The following MANEA variants were observed in gnomAD, a reference collection of about 807,000 sequenced individuals.
The protein encoded by MANEA is glycoprotein endo-alpha-1,2-mannosidase.
Under a neutral mutation model 36.8 loss-of-function variants are expected in MANEA, and 25 were observed. The ratio of observed to expected loss-of-function variants is 0.68; its 90% CI spans 0.50 to 0.95. MANEA has a LOEUF of 0.95. Among genes scored for constraint, MANEA ranks in the 40% least tolerant of loss-of-function variants. MANEA has a pLI of 0.00. For missense variants in MANEA, 565 were observed against 558.8 expected (o/e 1.01, Z -0.11); for synonymous variants, 198 against 188.5 (o/e 1.05, Z -0.41).
At position 95,606,291 on chromosome 6, in the gene MANEA, A is replaced by G. The variant is rs1435944900; in HGVS notation, c.1275A>G (p.Leu425=). 1 of 1,612,986 alleles carries G rather than the reference A, an allele frequency of 6.2e-7. No homozygotes were observed. The highest frequency in any genetic ancestry group is 1.7e-5 in the Admixed American group (1 of 59,998). Residue 425 remains leucine (L), a synonymous_variant, in exon 5 of 5, where the codon CTA becomes CTG. Coordinates refer to ENST00000358812, the MANE Select transcript of MANEA (RefSeq NM_024641.4). ...VPKRTSNTVY[L]DYRPHKPGLY... ...AAAGAACCAGTAATACAGTGTACCT[A>G]GATTACCGTCCTCATAAACCAGGTC...
At position 95,577,614 on chromosome 6, in the gene MANEA, G is replaced by C. The variant is rs1410543362; in HGVS notation, c.-63G>C. The C allele has an allele frequency of 2.6e-5, 4 of 152,320 alleles. No homozygotes were observed. In the East Asian group the frequency reaches 5.8e-4, roughly 22 times the overall value. 9.4% of individuals were successfully genotyped at this position (152,320 alleles called of 1,614,324 possible). On this transcript the variant is annotated 5_prime_UTR_variant, in exon 1 of 5. Coordinates refer to ENST00000358812, the MANE Select transcript of MANEA (RefSeq NM_024641.4). The stretch of plus-strand genomic sequence containing the variant: ...TAACCTCTCCTCTGGCCGAGTCCTT[G>C]CAAGAAGTGAATTACCCGACCCTGG...
intron 2 of MANEA, among the ~76,000 whole-genome samples, chr6:95,594,512 G>A (rs1769449812): frequency 6.6e-6 from 1 of 152,180 alleles, no homozygotes; most frequent in Admixed American, 6.5e-5. Flanking sequence ...ATTTTTAGAA[G>A]TGTGTGTAAT....
chr6:95,578,375 G>A (rs1769113629), intron 1 of MANEA, among the ~76,000 whole-genome samples: 1 of 152,112 alleles, frequency 6.6e-6, no homozygotes, highest in Non-Finnish European at 1.5e-5. Context: ...AAATGTGGAA[G>A]TGCTATAAAA....
chr6:95,579,237 G>A (rs1210686879), intron 1 of MANEA, among the ~76,000 whole-genome samples: 3 of 152,154 alleles, frequency 2.0e-5, no homozygotes, highest in Admixed American at 1.3e-4. Flanking sequence ...GCTGGGCGTC[G>A]TAGCGTGCGC....
chr6:95,578,834 C>T (rs988564460), intron 1 of MANEA, among the ~76,000 whole-genome samples: 2 of 152,110 alleles, frequency 1.3e-5, no homozygotes, highest in African/African-American at 4.8e-5. Context: ...GAAAACATAA[C>T]CATATAGCAG....
chr6:95,602,478 C>CA (rs1769611480), intron 3 of MANEA, among the ~76,000 whole-genome samples: 1 of 151,574 alleles, frequency 6.6e-6, no homozygotes, highest in Non-Finnish European at 1.5e-5. Flanking sequence ...GATTTTCATT[C>CA]AAAAAAGTTC....
At chr6:95,594,820 A>G (rs1462432019) in intron 2 of MANEA, among the ~76,000 whole-genome samples, 1 of 152,136 alleles carries the variant, frequency 6.6e-6, no homozygotes, top group Non-Finnish European at 1.5e-5. Context: ...ACTGCTTTTG[A>G]GAGTTGGTTT....
rs1554210730 is a variant in MANEA, at chr6:95,606,454, A to T, written c.*49A>T. 7.1e-7 allele frequency: 1 copy of T among 1,405,710 alleles called. No individual in the cohort carries two copies. Among genetic ancestry groups the T allele is most frequent in the East Asian group, 2.3e-5 (1 of 43,080 alleles). The allele number at this position is 1,405,710 out of a possible 1,614,324, so 87.1% of individuals were successfully genotyped here. On this transcript the variant is annotated 3_prime_UTR_variant, in exon 5 of 5. Coordinates refer to ENST00000358812, the MANE Select transcript of MANEA (RefSeq NM_024641.4). Reference sequence around the variant, plus strand: ...TATCAAAATCACCTAATTTTTAAAAATAGCTTTCGTTTTGAGTTCTGGAAA... The same window carrying T: ...TATCAAAATCACCTAATTTTTAAAATTAGCTTTCGTTTTGAGTTCTGGAAA...
intron 3 of MANEA, among the ~76,000 whole-genome samples, chr6:95,598,579 A>G (rs974617932): frequency 2.0e-5 from 3 of 152,182 alleles, no homozygotes; most frequent in African/African-American, 4.8e-5. Flanking sequence ...GTTTTTTGAC[A>G]TAAATCTTGG....
chr6:95,591,213 A>G (rs1480594763), intron 2 of MANEA, among the ~76,000 whole-genome samples: 1 of 152,098 alleles, frequency 6.6e-6, no homozygotes, highest in Non-Finnish European at 1.5e-5. Flanking sequence ...TGTATGTCTA[A>G]TATCATATTC....
At chr6:95,604,098 G>GTGT (rs1554210538) in intron 3 of MANEA, among the ~76,000 whole-genome samples, 1 of 149,452 alleles carries the variant, frequency 6.7e-6, no homozygotes, top group Non-Finnish European at 1.5e-5. Context: ...GTGTGTGTAT[G>GTGT]GGATATCCAA....
rs143348091 is a variant in MANEA, at chr6:95,602,585, T to G, written c.655-2242T>G. 4.8e-3 allele frequency among the ~76,000 whole-genome samples: 738 copies of G among 152,304 alleles called. 6 individuals are homozygous for G. The highest frequency in any genetic ancestry group is 0.017 in the African/African-American group (714 of 41,560). On this transcript the variant is annotated intron_variant, in intron 3 of 4. Transcript: ENST00000358812. ...AAAACATGAAATGAGGGAATGTTTA[T>G]ATTCTTATTCTTTAAAGATAAGAAA...
chr6:95,581,434 AT>A (rs1466150344), intron 1 of MANEA, among the ~76,000 whole-genome samples: 1 of 152,238 alleles, frequency 6.6e-6, no homozygotes, highest in Non-Finnish European at 1.5e-5. Flanking sequence ...ATAAATGGAC[AT>A]TTTGTGCTTT....
chr6:95,582,212 C>T lies in MANEA; in HGVS notation c.-38-4190C>T, dbSNP rs1050115827. On this transcript the variant is annotated intron_variant, in intron 1 of 4. Coordinates refer to ENST00000358812, the MANE Select transcript of MANEA (RefSeq NM_024641.4). ...TTTTTTTTTTTTTTTGAGACGGAGT[C>T]TTGCTCTGTCGCCGAGGCTGGAGTG... 1.2e-4 allele frequency among the ~76,000 whole-genome samples: 13 copies of T among 106,470 alleles called. No homozygotes were observed. The Admixed American group carries it at 1.8e-3, about 15-fold the overall frequency. 69.8% of individuals were successfully genotyped at this position (106,470 alleles called of 152,430 possible).
chr6:95,578,001 C>A (rs531695429), intron 1 of MANEA, among the ~76,000 whole-genome samples: 1 of 152,276 alleles, frequency 6.6e-6, no homozygotes, highest in African/African-American at 2.4e-5. Flanking sequence ...AATTTCGGGT[C>A]GGATGGAAGC....
chr6:95,591,973 A>G (rs963551126), intron 2 of MANEA, among the ~76,000 whole-genome samples: 1 of 152,202 alleles, frequency 6.6e-6, no homozygotes, highest in African/African-American at 2.4e-5. Flanking sequence ...AAGTGCTAGG[A>G]TTACAGGCGT....
intron 3 of MANEA, among the ~76,000 whole-genome samples, chr6:95,602,792 G>A (rs1332758626): frequency 2.0e-5 from 3 of 150,054 alleles, no homozygotes; most frequent in Admixed American, 6.6e-5. Flanking sequence ...AGGCCGAGGC[G>A]GGTGGATCAT....
chr6:95,598,186 G>A (rs1769516169), intron 3 of MANEA, among the ~76,000 whole-genome samples: 1 of 152,134 alleles, frequency 6.6e-6, no homozygotes, highest in African/African-American at 2.4e-5. Context: ...TGATTTTTAT[G>A]ATAACTGAAA....
chr6:95,586,383 T>G lies in MANEA; in HGVS notation c.-38-19T>G. 7.1e-7 allele frequency: 1 copy of G among 1,403,360 alleles called. No homozygotes were observed. Among genetic ancestry groups the G allele is most frequent in the South Asian group, 1.3e-5 (1 of 74,734 alleles). The allele number at this position is 1,403,360 out of a possible 1,614,324, so 86.9% of individuals were successfully genotyped here. On this transcript the variant is annotated intron_variant, in intron 1 of 4. Coordinates refer to ENST00000358812, the MANE Select transcript of MANEA (RefSeq NM_024641.4). ...CTGTTGATAACACTTACTAATTATC[T>G]TTTTTCAATAAATTGCAGCAAAACA...
Sources: gnomAD v4.1 joint callset for allele counts (sites outside exome capture counted in the v4.1 genomes callset) on GRCh38, gnomAD v4.1.1 for gene constraint, MANE v1.5 for transcripts, NCBI Gene and HGNC (gene_info 2026-07-23, HGNC 2026-07-21) for gene names.